Variants in NFE2L3 observed in about 807,000 individuals in gnomAD.
NFE2L3 encodes the protein NFE2 like bZIP transcription factor 3.
Under a neutral mutation model 23.5 loss-of-function variants are expected in NFE2L3, and 18 were observed. The observed-to-expected ratio is 0.77, with a 90% CI of 0.53 to 1.13. The LOEUF (loss-of-function observed/expected upper bound fraction) is 1.13, where lower values mean the gene tolerates loss of function less well. Ranked by LOEUF, NFE2L3 falls within the 50% of genes most tolerant of loss-of-function variation. The pLI is 0.00. For missense variants in NFE2L3, 1,152 were observed against 877.2 expected (o/e 1.31, Z -3.96); for synonymous variants, 424 against 354.5 (o/e 1.20, Z -2.20).
At chr7:26,184,166 G>GACTACTTCACTGTAGTTT (rs1782414080) in intron 3 of NFE2L3, 1 of 334,704 alleles carries the variant, frequency 3.0e-6, no homozygotes, top group Non-Finnish European at 5.5e-6. Context: ...CTCTCCTCCA[G>GACTACTTCACTGTAGTTT]ACTACTTCAC....
chr7:26,183,415 G>A (rs528414448), intron 2 of NFE2L3, among the ~76,000 whole-genome samples: 10 of 152,204 alleles, frequency 6.6e-5, no homozygotes, highest in South Asian at 2.1e-4. Flanking sequence ...AGACGTGGTG[G>A]TGCACAGCTG....
chr7:26,172,562 G>C (rs6461919), intron 1 of NFE2L3, among the ~76,000 whole-genome samples: 1 of 151,998 alleles, frequency 6.6e-6, no homozygotes, highest in South Asian at 2.1e-4. Flanking sequence ...TGTATTTGCC[G>C]AGTCTCTTTA....
At chr7:26,160,715 A>G (rs1339034721) in intron 1 of NFE2L3, among the ~76,000 whole-genome samples, 1 of 152,238 alleles carries the variant, frequency 6.6e-6, no homozygotes, top group Non-Finnish European at 1.5e-5. Context: ...CTTTACTTAA[A>G]GTCAGCTGGT....
Position 26,177,925 on chromosome 7 carries a change from A to C in NFE2L3, c.571-18A>C, listed in dbSNP as rs767410920. ...TAAAGACTGTTTGCTTATTTGATGAAATTTCGTACTTTTATAGGAGAATGG... is the reference window on the plus strand; with the variant it reads ...TAAAGACTGTTTGCTTATTTGATGACATTTCGTACTTTTATAGGAGAATGG... On this transcript the variant is annotated intron_variant, in intron 1 of 3. Transcript: ENST00000056233. The C allele has an allele frequency of 6.2e-7, 1 of 1,602,054 alleles. No individual in the cohort carries two copies. The highest frequency in any genetic ancestry group is 1.4e-5 in the African/African-American group (1 of 74,048).
intron 1 of NFE2L3, among the ~76,000 whole-genome samples, chr7:26,175,339 G>A (rs1156289133): frequency 2.0e-5 from 3 of 152,080 alleles, no homozygotes; most frequent in Non-Finnish European, 4.4e-5. Flanking sequence ...CACCCTGGGC[G>A]ACAGAGTGAG....
At chr7:26,170,768 A>G (rs147421563) in intron 1 of NFE2L3, among the ~76,000 whole-genome samples, 3 of 152,364 alleles carry the variant, frequency 2.0e-5, no homozygotes, top group African/African-American at 7.2e-5. Flanking sequence ...AAAAAAGCAC[A>G]TCAGAGAAGA....
intron 1 of NFE2L3, among the ~76,000 whole-genome samples, chr7:26,157,655 C>T (rs1784103246): frequency 1.3e-5 from 2 of 152,138 alleles, no homozygotes; most frequent in South Asian, 4.1e-4. Context: ...CAAGCGTTCA[C>T]AGTGGGATTT....
chr7:26,177,894 C>G, intron 1 of NFE2L3, 49 bp from the exon 2 acceptor site: 1 of 1,497,410 alleles, frequency 6.7e-7, no homozygotes, highest in East Asian at 2.3e-5. Flanking sequence ...AAGCACAATG[C>G]AGTTTTAAAG....
chr7:26,182,914 A>G (rs760371309), intron 2 of NFE2L3, among the ~76,000 whole-genome samples: 83 of 152,108 alleles, frequency 5.5e-4, no homozygotes, highest in Non-Finnish European at 6.9e-4. Context: ...CTGCCTCACC[A>G]TCCCGGAGTA....
intron 1 of NFE2L3, among the ~76,000 whole-genome samples, chr7:26,170,384 T>A (rs1216417495): frequency 6.6e-6 from 1 of 152,170 alleles, no homozygotes. Flanking sequence ...CCTACTATCT[T>A]CATATTCACC....
chr7:26,162,194 C>G (rs915832357), intron 1 of NFE2L3, among the ~76,000 whole-genome samples: 1 of 151,614 alleles, frequency 6.6e-6, no homozygotes, highest in African/African-American at 2.4e-5. Context: ...CAAAGCTGAG[C>G]TAAAAATATT....
chr7:26,157,332 T>A (rs1315650948), intron 1 of NFE2L3, among the ~76,000 whole-genome samples: 1 of 151,570 alleles, frequency 6.6e-6, no homozygotes, highest in Non-Finnish European at 1.5e-5. Context: ...CGCGCACCAC[T>A]GCTTCTGGCT....
intron 1 of NFE2L3, among the ~76,000 whole-genome samples, chr7:26,176,921 GAT>G (rs1784420522): frequency 8.6e-6 from 1 of 115,634 alleles, no homozygotes; most frequent in Admixed American, 8.5e-5. Context: ...CATCCCAGAC[GAT>G]GGGCGGCCAG....
At chr7:26,176,770 C>T (rs1784416525) in intron 1 of NFE2L3, among the ~76,000 whole-genome samples, 1 of 95,004 alleles carries the variant, frequency 1.1e-5, no homozygotes, top group Non-Finnish European at 2.0e-5. Flanking sequence ...ACTTCCCAGA[C>T]GGGGTGGCCA....
intron 1 of NFE2L3, among the ~76,000 whole-genome samples, chr7:26,175,853 CTTTTTT>C (rs70943276): frequency 3.6e-5 from 4 of 111,652 alleles, no homozygotes; most frequent in South Asian, 2.9e-4. Context: ...ATTTTCTTTT[CTTTTTT>C]TTTTTTTTTT....
intron 2 of NFE2L3, 146 bp from the exon 3 acceptor site, chr7:26,183,555 A>G (rs1164215623): frequency 1.2e-5 from 7 of 573,782 alleles, no homozygotes; most frequent in East Asian, 1.1e-4. Flanking sequence ...AAAATATAAT[A>G]AAAAGTAGAA....
chr7:26,182,503 A>C (rs1784536381), intron 2 of NFE2L3, among the ~76,000 whole-genome samples: 1 of 152,174 alleles, frequency 6.6e-6, no homozygotes, highest in Non-Finnish European at 1.5e-5. Flanking sequence ...ACATGCCTGT[A>C]GTCCCAGCTA....
rs1473125390 is a variant in NFE2L3, at chr7:26,152,607, C to T, written c.109C>T (p.Pro37Ser). ...AGACCTAGATCTTTACCTGCTGCTG[C>T]CGCCGCCCACCCTGCTGCAGGACGA... ...RVDLDLYLLLPPPTLLQDELL... is the reference protein window; with the variant it reads ...RVDLDLYLLLSPPTLLQDELL... Residue 37 changes from proline (P) to serine (S), a missense_variant, in exon 1 of 4, where the codon CCG (proline) becomes TCG (serine). Transcript: ENST00000056233. The surrounding 1 kb of genome is among the most constrained non-coding windows in gnomAD (Gnocchi z 4.4). The T allele has an allele frequency of 5.8e-6, 9 of 1,542,986 alleles. No homozygotes were observed. Among genetic ancestry groups the T allele is most frequent in the Non-Finnish European group, 7.8e-6 (9 of 1,155,772 alleles).
chr7:26,178,153 GT>G (rs751857413), intron 2 of NFE2L3, 31 bp downstream of exon 2: 3 of 1,582,134 alleles, frequency 1.9e-6, no homozygotes, highest in South Asian at 2.3e-5. Flanking sequence ...AAGCCTTGCC[GT>G]TTTGGTTTTA....
Sources: allele counts gnomAD v4.1 joint callset (sites outside exome capture counted in the v4.1 genomes callset), GRCh38; gene constraint gnomAD v4.1.1; non-coding constraint Gnocchi (gnomAD v3.1); transcripts MANE v1.5; gene names NCBI Gene and HGNC (gene_info 2026-07-23, HGNC 2026-07-21).